Variants in RASGRP3 observed in about 807,000 individuals in gnomAD.
RASGRP3 encodes ras guanyl-releasing protein 3.
In RASGRP3, 54 loss-of-function variants were observed where a neutral mutation model predicts 82.7. That is an observed-to-expected ratio of 0.65 (90% confidence interval 0.52 to 0.82). The LOEUF (loss-of-function observed/expected upper bound fraction) is 0.82. RASGRP3 is among the 40% of genes least tolerant of loss of function. The pLI is 0.00. For missense variants in RASGRP3, 861 were observed against 828.9 expected (o/e 1.04, Z -0.48); for synonymous variants, 309 against 300.5 (o/e 1.03, Z -0.29).
At chr2:33,473,148 G>T (rs1667157608), upstream of RASGRP3, among the ~76,000 whole-genome samples, 1 of 152,110 alleles carries the variant, frequency 6.6e-6, no homozygotes, top group Non-Finnish European at 1.5e-5. Context: ...AGATCATGAG[G>T]TCAGGAGATG....
intron 1 of RASGRP3, among the ~76,000 whole-genome samples, chr2:33,502,826 C>G (rs1670001863): frequency 6.6e-6 from 1 of 152,106 alleles, no homozygotes; most frequent in Admixed American, 6.6e-5. Context: ...TCCTCTAACT[C>G]TTTAACCTTT....
At chr2:33,480,344 G>T (rs1441531105) in intron 1 of RASGRP3, among the ~76,000 whole-genome samples, 4 of 152,070 alleles carry the variant, frequency 2.6e-5, no homozygotes, top group Non-Finnish European at 5.9e-5. Context: ...CGCCCAGCCC[G>T]CATGAAAGAA....
chr2:33,541,404 AT>A (rs1398218216), intron 12 of RASGRP3, among the ~76,000 whole-genome samples: 2 of 146,836 alleles, frequency 1.4e-5, no homozygotes, highest in African/African-American at 4.9e-5. Context: ...ACTTTGTTCG[AT>A]TATTTCTTTA....
At chr2:33,440,579 C>T (rs1450053346) in intron 1 of RASGRP3, among the ~76,000 whole-genome samples, 3 of 152,164 alleles carry the variant, frequency 2.0e-5, no homozygotes, top group East Asian at 1.9e-4. Flanking sequence ...TTCTATTGTT[C>T]GTAACTTTGA....
intron 1 of RASGRP3, among the ~76,000 whole-genome samples, chr2:33,495,321 G>A (rs1448975342): frequency 6.6e-6 from 1 of 152,210 alleles, no homozygotes; most frequent in Non-Finnish European, 1.5e-5. Flanking sequence ...AGATCATCAG[G>A]CAGTAATTCG....
chr2:33,555,428 C>A, intron 14 of RASGRP3, 103 bp from the exon 15 acceptor site: 2 of 947,768 alleles, frequency 2.1e-6, no homozygotes, highest in Non-Finnish European at 3.2e-6. Flanking sequence ...CCTGTTTGTG[C>A]CTGGCCAGTC....
At chr2:33,441,211 G>A (rs1665208905) in intron 1 of RASGRP3, among the ~76,000 whole-genome samples, 1 of 152,068 alleles carries the variant, frequency 6.6e-6, no homozygotes, top group African/African-American at 2.4e-5. Flanking sequence ...GTTCTTTAGT[G>A]TCTGCTATTT....
At chr2:33,442,350 C>T (rs1050431614) in intron 1 of RASGRP3, among the ~76,000 whole-genome samples, 10 of 152,084 alleles carry the variant, frequency 6.6e-5, no homozygotes, top group South Asian at 2.1e-4. Flanking sequence ...GGTGACAGAG[C>T]GAGACTACGT....
At chr2:33,507,196 A>G (rs1670459822) in intron 1 of RASGRP3, among the ~76,000 whole-genome samples, 1 of 152,218 alleles carries the variant, frequency 6.6e-6, no homozygotes, top group Admixed American at 6.5e-5. Flanking sequence ...AGGAATTCAG[A>G]CCATCCTGGC....
At chr2:33,555,686 A>T (rs1675873090) in intron 15 of RASGRP3, 119 bp downstream of exon 15, 1 of 869,174 alleles carries the variant, frequency 1.2e-6, no homozygotes, top group East Asian at 2.8e-5. Flanking sequence ...CTTTTGGGTC[A>T]ACGGCAACTG....
intron 12 of RASGRP3, among the ~76,000 whole-genome samples, chr2:33,540,576 G>A (rs1270518260): frequency 1.6e-5 from 1 of 62,148 alleles, no homozygotes; most frequent in Non-Finnish European, 4.8e-5. Flanking sequence ...GTGTGTGTGT[G>A]TGTGTGTGTG....
chr2:33,523,020 T>G (rs538587192), intron 7 of RASGRP3, among the ~76,000 whole-genome samples: 5 of 152,206 alleles, frequency 3.3e-5, no homozygotes, highest in Non-Finnish European at 4.4e-5. Context: ...AGAGCAGCCT[T>G]ACTTCAATTA....
chr2:33,535,487 C>T (rs1453420912), intron 11 of RASGRP3, among the ~76,000 whole-genome samples: 3 of 152,218 alleles, frequency 2.0e-5, no homozygotes, highest in Non-Finnish European at 2.9e-5. Flanking sequence ...TGACTATGCC[C>T]CCTAAGTTTA....
chr2:33,459,077 T>C (rs140548675), intron 2 of RASGRP3, among the ~76,000 whole-genome samples: 126 of 152,306 alleles, frequency 8.3e-4, no homozygotes, highest in Admixed American at 1.4e-3. Flanking sequence ...AATGCTGAAA[T>C]AAATTTTAAT....
chr2:33,509,782 AC>A (rs1670755682), intron 1 of RASGRP3, among the ~76,000 whole-genome samples: 1 of 151,766 alleles, frequency 6.6e-6, no homozygotes, highest in Non-Finnish European at 1.5e-5. Flanking sequence ...CCCGACACCA[AC>A]CCCTTCTACC....
intron 1 of RASGRP3, among the ~76,000 whole-genome samples, chr2:33,505,890 C>T (rs899537109): frequency 1.3e-5 from 2 of 152,102 alleles, no homozygotes; most frequent in Admixed American, 1.3e-4. Context: ...GGAGAATACC[C>T]CCTTGGTGGG....
intron 1 of RASGRP3, among the ~76,000 whole-genome samples, chr2:33,502,371 C>T (rs949258124): frequency 6.6e-6 from 1 of 152,036 alleles, no homozygotes; most frequent in Admixed American, 6.6e-5. Flanking sequence ...TCTGGGCTTC[C>T]CTTCATTTGT....
At chr2:33,509,380 C>G (rs1206708947) in intron 1 of RASGRP3, among the ~76,000 whole-genome samples, 1 of 150,238 alleles carries the variant, frequency 6.7e-6, no homozygotes, top group Non-Finnish European at 1.5e-5. Flanking sequence ...CCAGCCTGGG[C>G]AACAGAGCAA....
intron 12 of RASGRP3, among the ~76,000 whole-genome samples, chr2:33,541,365 C>T (rs1279430355): frequency 6.8e-6 from 1 of 146,948 alleles, no homozygotes; most frequent in African/African-American, 2.4e-5. Context: ...ACATATACTA[C>T]ATACATATAT....
Sources: allele counts gnomAD v4.1 joint callset (sites outside exome capture counted in the v4.1 genomes callset), GRCh38; gene constraint gnomAD v4.1.1; transcripts MANE v1.5; gene names NCBI Gene and HGNC (gene_info 2026-07-23, HGNC 2026-07-21).